The following IL4R variants were observed in gnomAD, a reference collection of about 807,000 sequenced individuals.
The protein encoded by IL4R is interleukin 4 receptor.
IL4R carries 17 observed loss-of-function variants against 41.5 expected under a neutral mutation model. That is an observed-to-expected ratio of 0.41 (90% CI 0.28 to 0.61). IL4R has a LOEUF of 0.61. IL4R is among the 20% of genes least tolerant of loss of function. IL4R has a pLI of 0.31. For missense variants in IL4R, 974 were observed against 1,043.1 expected, an observed-to-expected ratio of 0.93 and a Z score of 0.91; for synonymous variants, 402 against 422.9, an observed-to-expected ratio of 0.95 and a Z score of 0.61.
intron 10 of IL4R, chr16:27,361,095 A>C (rs2086267186): frequency 7.7e-7 from 1 of 1,291,760 alleles, no homozygotes; most frequent in Non-Finnish European, 1.0e-6. Context: ...TAAAATCTTG[A>C]CCTAATTGTA....
At chr16:27,347,974 C>T (rs770775597) in intron 6 of IL4R, among the ~76,000 whole-genome samples, 10 of 152,128 alleles carry the variant, frequency 6.6e-5, no homozygotes, top group Non-Finnish European at 1.2e-4. Flanking sequence ...CCCATCTGCC[C>T]GCTGTCCCAC....
At chr16:27,327,119 G>A (rs2084976939) in intron 1 of IL4R, among the ~76,000 whole-genome samples, 1 of 152,128 alleles carries the variant, frequency 6.6e-6, no homozygotes, top group East Asian at 1.9e-4. Context: ...GAGTTTCAGG[G>A]GTCAGCGGCT....
At chr16:27,320,055 CAGG>C (rs1214139481) in intron 1 of IL4R, among the ~76,000 whole-genome samples, 1 of 152,090 alleles carries the variant, frequency 6.6e-6, no homozygotes, top group African/African-American at 2.4e-5. Flanking sequence ...TTAGTAGAGA[CAGG>C]GTTTCACTGT....
At chr16:27,359,120 AG>A in intron 9 of IL4R, 126 bp downstream of exon 9, 1 of 729,010 alleles carries the variant, frequency 1.4e-6, no homozygotes, top group Non-Finnish European at 2.4e-6. Context: ...GGAGGGTTGC[AG>A]GGGAGACAGA....
chr16:27,361,425 C>T lies in IL4R; in HGVS notation c.899+610C>T, dbSNP rs534431860. 5.9e-4 allele frequency among the ~76,000 whole-genome samples: 89 copies of T among 151,906 alleles called. 1 individual carries two copies. The highest frequency in any genetic ancestry group is 9.7e-4 in the Non-Finnish European group (66 of 67,956). On this transcript the variant is annotated intron_variant, in intron 10 of 10. Transcript: ENST00000395762. ...TTGTGCCACTGCACTCCAGCCTGGG[C>T]GACAGAGTGAGACTCTTGTCTCAAA... is the stretch of plus-strand genomic sequence containing the variant.
In IL4R at chr16:27,364,264, C is replaced by G. The variant is rs2086421588; in HGVS notation, c.*434C>G. 6.0e-6 allele frequency: 1 copy of G among 167,372 alleles called. No individual in the cohort carries two copies. The highest frequency in any genetic ancestry group is 6.0e-5 in the Admixed American group (1 of 16,770). The allele number at this position is 167,372 out of a possible 1,614,324, so 10.4% of individuals were successfully genotyped here. A position where few individuals can be genotyped will look rare whatever the true frequency, so the allele number is the denominator to read the frequency against. On this transcript the variant is annotated 3_prime_UTR_variant, in exon 11 of 11. Transcript: ENST00000395762. Reference sequence around the variant, plus strand: ...CTGTCTCACTGAACTAGAAGCCGAGCCTAGAAACTAACACAGCCATCAAGG... The same window carrying G: ...CTGTCTCACTGAACTAGAAGCCGAGGCTAGAAACTAACACAGCCATCAAGG...
At chr16:27,329,130 G>A (rs955505762) in intron 1 of IL4R, among the ~76,000 whole-genome samples, 16 of 151,924 alleles carry the variant, frequency 1.1e-4, no homozygotes, top group Non-Finnish European at 1.9e-4. Context: ...AGAAGTGTGC[G>A]GCACCTCCCT....
At chr16:27,347,979 T>A (rs1354582384) in intron 6 of IL4R, among the ~76,000 whole-genome samples, 1 of 152,100 alleles carries the variant, frequency 6.6e-6, no homozygotes, top group African/African-American at 2.4e-5. Context: ...CTGCCCGCTG[T>A]CCCACACACT....
intron 4 of IL4R, among the ~76,000 whole-genome samples, chr16:27,344,314 A>G (rs2085545642): frequency 6.6e-6 from 1 of 151,464 alleles, no homozygotes; most frequent in Non-Finnish European, 1.5e-5. Flanking sequence ...GGAAAAAAAA[A>G]CAAAAACAAA....
At chr16:27,352,467 G>A (rs960184655) in intron 6 of IL4R, 73 bp from the exon 7 acceptor site, 10 of 1,358,276 alleles carry the variant, frequency 7.4e-6, no homozygotes, top group South Asian at 1.2e-5. Flanking sequence ...GTCAGCTAAC[G>A]ACAGCAACCA....
At chr16:27,330,786 A>G (rs899179543) in intron 2 of IL4R, among the ~76,000 whole-genome samples, 1 of 152,084 alleles carries the variant, frequency 6.6e-6, no homozygotes, top group Non-Finnish European at 1.5e-5. Context: ...TATGTTACAT[A>G]AATGGAGTCA....
At chr16:27,355,246 G>A (rs1260221442) in intron 7 of IL4R, 2 of 284,908 alleles carry the variant, frequency 7.0e-6, no homozygotes, top group East Asian at 1.7e-4. Context: ...TGGGCAGGGG[G>A]CAACGGTAGG....
intron 4 of IL4R, among the ~76,000 whole-genome samples, chr16:27,343,568 T>C (rs1009656398): frequency 3.3e-5 from 5 of 152,122 alleles, no homozygotes; most frequent in Non-Finnish European, 5.9e-5. Context: ...TTGGGATTAA[T>C]GGTGCCTGCC....
rs768006180 is a variant in IL4R, at chr16:27,362,812, C to T, written c.1460C>T (p.Thr487Met). ...CCAGACAACCTGACTTGCACAGAGACGCCCCTCGTCATCGCAGGCAACCCT... is the reference window on the plus strand; with the variant it reads ...CCAGACAACCTGACTTGCACAGAGATGCCCCTCGTCATCGCAGGCAACCCT... ...QSPDNLTCTE[T>M]PLVIAGNPAY... Residue 487 changes from threonine to methionine, a missense_variant, in exon 11 of 11, where the codon ACG becomes ATG. This residue lies in a region of IL4R where 682 missense variants were observed against 704.3 expected (regional missense o/e 0.97). Transcript: ENST00000395762. 48 of 1,614,050 alleles carry T rather than the reference C, an allele frequency of 3.0e-5. No homozygotes were observed. The highest frequency in any genetic ancestry group is 1.3e-5 in the African/African-American group (1 of 74,944).
intron 1 of IL4R, among the ~76,000 whole-genome samples, chr16:27,325,997 T>C (rs946332891): frequency 6.6e-6 from 1 of 152,122 alleles, no homozygotes; most frequent in Non-Finnish European, 1.5e-5. Context: ...CCCCACAGCA[T>C]CCATCCTGTC....
In IL4R at chr16:27,355,914, C is replaced by T. The variant is rs939507040; in HGVS notation, c.770+7C>T. Reference sequence around the variant, plus strand: ...GCTATGTCAGCATCACCAAGTGAGTCCTGGGCCCAGTGCTGCCGAGCAGTC... The same window carrying T: ...GCTATGTCAGCATCACCAAGTGAGTTCTGGGCCCAGTGCTGCCGAGCAGTC... On this transcript the variant is annotated splice_region_variant and intron_variant, in intron 8 of 10. Transcript: ENST00000395762. 1 of 1,604,202 alleles carries T rather than the reference C, an allele frequency of 6.2e-7. No homozygotes were observed. Among genetic ancestry groups the T allele is most frequent in the Non-Finnish European group, 8.5e-7 (1 of 1,172,058 alleles).
chr16:27,359,454 G>A (rs767888850), intron 9 of IL4R, among the ~76,000 whole-genome samples: 4 of 152,226 alleles, frequency 2.6e-5, no homozygotes, highest in Non-Finnish European at 5.9e-5. Context: ...TAAGCCAGGG[G>A]TGGAGTCAGC....
chr16:27,331,748 A>G (rs945473967), intron 2 of IL4R, among the ~76,000 whole-genome samples: 1 of 152,048 alleles, frequency 6.6e-6, no homozygotes, highest in African/African-American at 2.4e-5. Flanking sequence ...GGATCTGTCG[A>G]TTACCAAAAG....
rs2072130 is a variant in IL4R at position 27,345,077 on chromosome 16, C to T, written c.361+57C>T. 361,310 of 805,830 alleles carry T rather than the reference C, an allele frequency of 0.45. 64,686 individuals are homozygous for T. The highest frequency in any genetic ancestry group is 0.61 in the East Asian group (17,701 of 28,916). 49.9% of individuals were successfully genotyped at this position (805,830 alleles called of 1,614,324 possible). A position where few individuals can be genotyped will look rare whatever the true frequency, so the allele number is the denominator to read the frequency against. ...GGGTGTGTTCCCACAGCTGCCTGGG[C>T]TGAGGGTGGGGTGGGCAGGGGAGGA... On this transcript the variant is annotated intron_variant, in intron 5 of 10. Coordinates refer to ENST00000395762, the MANE Select transcript of IL4R (RefSeq NM_000418.4). The surrounding 1 kb of genome is among the most constrained non-coding windows in gnomAD (Gnocchi z 4.5).
Sources: allele counts gnomAD v4.1 joint callset (sites outside exome capture counted in the v4.1 genomes callset), GRCh38; gene constraint gnomAD v4.1.1; regional missense constraint gnomAD v4.1.1; non-coding constraint Gnocchi (gnomAD v3.1); transcripts MANE v1.5; gene names NCBI Gene and HGNC (gene_info 2026-07-23, HGNC 2026-07-21).